The following SNX9 variants were observed in gnomAD, a reference collection of about 807,000 sequenced individuals.
SNX9 encodes the protein sorting nexin-9.
SNX9 carries 44 observed loss-of-function variants against 89.4 expected under a neutral mutation model. The ratio of observed to expected loss-of-function variants is 0.49; its 90% confidence interval spans 0.39 to 0.63. SNX9 has a LOEUF of 0.63. SNX9 is among the 30% of genes least tolerant of loss of function. SNX9 has a pLI of 0.00. For synonymous variants in SNX9, 236 were observed against 247.8 expected (o/e 0.95, Z 0.45); for missense variants, 578 against 736.1 (o/e 0.79, Z 2.49).
At position 157,823,863 on chromosome 6, in the gene SNX9, G is replaced by T. The variant is rs1298443431; in HGVS notation, c.12+417G>T. ...CGCCCCCACGTCCCCTCCCGCTGCCGCCTGGGGGACCCTCGCCCCCGCGGG... is the reference window on the plus strand; with the variant it reads ...CGCCCCCACGTCCCCTCCCGCTGCCTCCTGGGGGACCCTCGCCCCCGCGGG... On this transcript the variant is annotated intron_variant, in intron 1 of 17. Coordinates refer to ENST00000392185, the MANE Select transcript of SNX9 (RefSeq NM_016224.5). The surrounding 1 kb of genome is among the most constrained non-coding windows in gnomAD (Gnocchi z 4.6). Among the ~76,000 whole-genome samples, 1 of 151,972 alleles carries T rather than the reference G, an allele frequency of 6.6e-6. No homozygotes were observed. Among genetic ancestry groups the T allele is most frequent in the African/African-American group, 2.4e-5 (1 of 41,408 alleles).
chr6:157,844,600 G>GTTTTTTTTTTTTTTTT (rs34836632), intron 1 of SNX9, among the ~76,000 whole-genome samples: 3 of 131,832 alleles, frequency 2.3e-5, no homozygotes, highest in African/African-American at 5.7e-5. Flanking sequence ...TTTTTTTTTT[G>GTTTTTTTTTTTTTTTT]TTTTTTTTTT....
At chr6:157,913,132 T>G (rs1783384607) in intron 9 of SNX9, among the ~76,000 whole-genome samples, 1 of 152,198 alleles carries the variant, frequency 6.6e-6, no homozygotes, top group Admixed American at 6.5e-5. Context: ...GTGAATTGTC[T>G]TTTTTCCAAG....
intron 1 of SNX9, among the ~76,000 whole-genome samples, chr6:157,847,713 A>T (rs929574179): frequency 6.6e-6 from 1 of 152,098 alleles, no homozygotes; most frequent in Admixed American, 6.5e-5. Context: ...CACGTCGTCT[A>T]TTCTGGTTTT....
intron 4 of SNX9, among the ~76,000 whole-genome samples, chr6:157,886,790 A>G (rs1782745834): frequency 6.6e-6 from 1 of 152,234 alleles, no homozygotes; most frequent in Non-Finnish European, 1.5e-5. Flanking sequence ...GTGACCAATG[A>G]AGAAAGCATT....
At chr6:157,909,606 A>G (rs1583231315) in intron 7 of SNX9, 59 bp from the exon 8 acceptor site, 2 of 1,594,894 alleles carry the variant, frequency 1.3e-6, no homozygotes, top group Non-Finnish European at 1.7e-6. Flanking sequence ...GATTCACATC[A>G]ATTGTATTTA....
At chr6:157,942,594 C>T (rs1189300550) in intron 17 of SNX9, among the ~76,000 whole-genome samples, 197 bp from the exon 18 acceptor site, 1 of 152,226 alleles carries the variant, frequency 6.6e-6, no homozygotes, top group Non-Finnish European at 1.5e-5. Context: ...AGGGCCAGCT[C>T]GGGCCCCAGC....
At chr6:157,883,103 G>C (rs192597981) in intron 4 of SNX9, among the ~76,000 whole-genome samples, 86 of 152,204 alleles carry the variant, frequency 5.7e-4, no homozygotes, top group Non-Finnish European at 1.0e-3. Context: ...TCAGTCAGCA[G>C]TCATGAACAT....
intron 1 of SNX9, among the ~76,000 whole-genome samples, chr6:157,853,764 A>G (rs1204635900): frequency 6.6e-6 from 1 of 151,290 alleles, no homozygotes; most frequent in Non-Finnish European, 1.5e-5. Context: ...CACAATTTTT[A>G]GTACATGCAA....
intron 9 of SNX9, 54 bp from the exon 10 acceptor site, chr6:157,921,477 A>T (rs1277610191): frequency 2.4e-5 from 38 of 1,581,748 alleles, no homozygotes; most frequent in Non-Finnish European, 2.9e-5. Flanking sequence ...CAGTATGGTA[A>T]CAGTCATTCA....
chr6:157,931,428 C>A (rs1477174417), intron 12 of SNX9, among the ~76,000 whole-genome samples: 3 of 152,118 alleles, frequency 2.0e-5, no homozygotes, highest in Admixed American at 2.0e-4. Flanking sequence ...ATAATGGTTT[C>A]TTTTGAAAGG....
rs114839514 is a variant in SNX9, at chr6:157,893,261, C to T, written c.301-3566C>T. On this transcript the variant is annotated intron_variant, in intron 4 of 17. Coordinates refer to ENST00000392185, the MANE Select transcript of SNX9 (RefSeq NM_016224.5). ...GTCATCTGAGAGTCCATCCCGAAGC[C>T]GAATGTCACCTTGTAAAGCTGTGTG... is the stretch of plus-strand genomic sequence containing the variant. Among the ~76,000 whole-genome samples, 202 of 152,232 alleles carry T rather than the reference C, an allele frequency of 1.3e-3. 1 individual carries two copies. Among genetic ancestry groups the T allele is most frequent in the African/African-American group, 3.8e-3 (157 of 41,534 alleles).
At position 157,921,674 on chromosome 6, in the gene SNX9, G is replaced by A. The variant is rs962401831; in HGVS notation, c.1080+13G>A. On this transcript the variant is annotated intron_variant, in intron 10 of 17. Coordinates refer to ENST00000392185, the MANE Select transcript of SNX9 (RefSeq NM_016224.5). ...CCGAGATGAGAAGGTAGGACATTGT[G>A]TTAATATGGCATCAGAGAATATTGA... 5.2e-5 allele frequency: 83 copies of A among 1,609,300 alleles called. No homozygotes were observed. Among genetic ancestry groups the A allele is most frequent in the Non-Finnish European group, 6.4e-5 (75 of 1,176,514 alleles).
At chr6:157,833,014 A>G (rs1399531393) in intron 1 of SNX9, among the ~76,000 whole-genome samples, 1 of 152,184 alleles carries the variant, frequency 6.6e-6, no homozygotes, top group East Asian at 1.9e-4. Context: ...TTCAGTAGCT[A>G]TTTTGTGCCA....
At position 157,828,232 on chromosome 6, in the gene SNX9, A is replaced by C. The variant is rs1478497759; in HGVS notation, c.12+4786A>C. 2.0e-5 allele frequency among the ~76,000 whole-genome samples: 3 copies of C among 152,132 alleles called. No individual in the cohort carries two copies. In the East Asian group the frequency reaches 5.8e-4, roughly 29 times the overall value. On this transcript the variant is annotated intron_variant, in intron 1 of 17. Coordinates refer to ENST00000392185, the MANE Select transcript of SNX9 (RefSeq NM_016224.5). Reference sequence around the variant, plus strand: ...TAGAGTGTGCAGTATTTGTATAGTCAAAGATAAGTTCTGTGACAGTAGAAA... The same window carrying C: ...TAGAGTGTGCAGTATTTGTATAGTCCAAGATAAGTTCTGTGACAGTAGAAA...
At chr6:157,936,336 G>A (rs1392329496) in intron 14 of SNX9, among the ~76,000 whole-genome samples, 1 of 152,078 alleles carries the variant, frequency 6.6e-6, no homozygotes, top group Non-Finnish European at 1.5e-5. Flanking sequence ...GACCAGCCTG[G>A]GCAACACAGT....
At chr6:157,825,476 T>C (rs1781325984) in intron 1 of SNX9, among the ~76,000 whole-genome samples, 1 of 152,150 alleles carries the variant, frequency 6.6e-6, no homozygotes, top group East Asian at 1.9e-4. Flanking sequence ...CGAAAAGTGG[T>C]TCTTGTATAT....
rs1203801378 is a variant in SNX9, at chr6:157,944,530, C to CA, written c.*1696dup. 1 of 152,486 alleles carries CA rather than the reference C, an allele frequency of 6.6e-6. No individual in the cohort carries two copies. Among genetic ancestry groups the CA allele is most frequent in the Non-Finnish European group, 1.5e-5 (1 of 68,014 alleles). 9.4% of individuals were successfully genotyped at this position (152,486 alleles called of 1,614,324 possible). On this transcript the variant is annotated 3_prime_UTR_variant, in exon 18 of 18. Transcript: ENST00000392185. The stretch of plus-strand genomic sequence containing the variant: ...ACAGTAAATTCTCAAAGCACTTTTT[C>CA]AAAACACTTTTTGGACTTTGTGTGT...
At chr6:157,888,193 T>C (rs1413273720) in intron 4 of SNX9, among the ~76,000 whole-genome samples, 3 of 152,240 alleles carry the variant, frequency 2.0e-5, no homozygotes, top group Non-Finnish European at 2.9e-5. Context: ...CATACATGTC[T>C]AATGCCTCTG....
At chr6:157,836,108 TTTTGTTTGTTTG>T (rs536474855) in intron 1 of SNX9, among the ~76,000 whole-genome samples, 2 of 151,824 alleles carry the variant, frequency 1.3e-5, no homozygotes, top group Non-Finnish European at 2.9e-5. Context: ...ATATTTAATT[TTTTGTTTGTTTG>T]TTTGTTTGTT....
Sources: gnomAD v4.1 joint callset for allele counts (sites outside exome capture counted in the v4.1 genomes callset) on GRCh38, gnomAD v4.1.1 for gene constraint, Gnocchi (gnomAD v3.1) non-coding constraint, MANE v1.5 for transcripts, NCBI Gene and HGNC (gene_info 2026-07-23, HGNC 2026-07-21) for gene names.